Variants in CAST observed in about 807,000 individuals in gnomAD.
The protein encoded by CAST is calpastatin.
In CAST, 76 loss-of-function variants were observed where a neutral mutation model predicts 119.6. That is an observed-to-expected ratio of 0.64 (90% CI 0.53 to 0.77). CAST has a LOEUF of 0.77. Ranked by LOEUF, CAST falls within the 30% of genes least tolerant of loss-of-function variation. The pLI, the probability that CAST is intolerant of heterozygous loss-of-function variation, is 0.00. For synonymous variants in CAST, 319 were observed against 331.6 expected (o/e 0.96, Z 0.41); for missense variants, 953 against 946.5 (o/e 1.01, Z -0.09).
chr5:96,211,747 G>A, the CAST span, among the ~76,000 whole-genome samples: 1 of 151,990 alleles, frequency 6.6e-6, no homozygotes, highest in Admixed American at 6.6e-5. Context: ...TAATTCTCCA[G>A]TGAAATCATC....
At chr5:96,267,340 C>T in the CAST span, among the ~76,000 whole-genome samples, 1 of 152,230 alleles carries the variant, frequency 6.6e-6, no homozygotes, top group East Asian at 1.9e-4. Context: ...GAACAACAAA[C>T]AGATTTGACC....
intron 3 of CAST, among the ~76,000 whole-genome samples, chr5:96,697,480 C>A (rs988769623): frequency 7.2e-5 from 11 of 152,146 alleles, no homozygotes; most frequent in African/African-American, 1.9e-4. Context: ...CACTTTAAGA[C>A]CCGTGCCTTT....
the CAST span, among the ~76,000 whole-genome samples, chr5:96,162,098 T>G: frequency 6.6e-6 from 1 of 152,170 alleles, no homozygotes; most frequent in African/African-American, 2.4e-5. Flanking sequence ...ATAGATGCTT[T>G]TTGGTTTCTT....
At chr5:96,213,428 A>C in the CAST span, 2 of 152,150 alleles carry the variant, frequency 1.3e-5, no homozygotes, top group African/African-American at 4.8e-5. Context: ...TTTAAAATTT[A>C]ATAATTAACT....
chr5:96,054,675 A>G, the CAST span, among the ~76,000 whole-genome samples: 1 of 152,182 alleles, frequency 6.6e-6, no homozygotes, highest in Non-Finnish European at 1.5e-5. Flanking sequence ...GGAACATACA[A>G]TATTGCCGTA....
the CAST span, among the ~76,000 whole-genome samples, chr5:96,326,770 G>C: frequency 7.1e-6 from 1 of 141,034 alleles, no homozygotes; most frequent in Non-Finnish European, 1.5e-5. Flanking sequence ...CTCAGTGAGT[G>C]TGTTAATTGA....
chr5:96,437,157 TA>T, the CAST span, among the ~76,000 whole-genome samples: 3 of 151,960 alleles, frequency 2.0e-5, no homozygotes, highest in African/African-American at 7.3e-5. Context: ...AGTAAAAGAG[TA>T]AAAAAGCAAA....
intron 1 of CAST, among the ~76,000 whole-genome samples, chr5:96,668,834 G>A (rs1004098579): frequency 1.7e-4 from 26 of 151,898 alleles, no homozygotes; most frequent in Admixed American, 1.2e-3. Flanking sequence ...CTGGGAAGCC[G>A]TCAGGGGAGG....
intron 25 of CAST, among the ~76,000 whole-genome samples, chr5:96,764,641 C>T (rs892270622): frequency 1.2e-4 from 19 of 152,054 alleles, no homozygotes; most frequent in East Asian, 5.8e-4. Context: ...ATGGCAGTGC[C>T]GAGCTCCATG....
At chr5:96,686,857 C>T (rs973228532) in intron 2 of CAST, among the ~76,000 whole-genome samples, 22 of 151,908 alleles carry the variant, frequency 1.4e-4, no homozygotes, top group African/African-American at 4.1e-4. Context: ...GGTGTAGGGA[C>T]CACTGCAAGG....
chr5:96,100,442 G>A, the CAST span, among the ~76,000 whole-genome samples: 2 of 152,120 alleles, frequency 1.3e-5, no homozygotes, highest in African/African-American at 2.4e-5. Context: ...CTGACTTACT[G>A]CCTGGTTCTT....
chr5:96,367,565 A>G, the CAST span, among the ~76,000 whole-genome samples: 2 of 151,996 alleles, frequency 1.3e-5, no homozygotes, highest in African/African-American at 4.8e-5. Flanking sequence ...TTGCAGTTCG[A>G]TCTCAGACTG....
At chr5:96,706,974 G>C (rs181028353) in intron 3 of CAST, among the ~76,000 whole-genome samples, 4 of 152,232 alleles carry the variant, frequency 2.6e-5, no homozygotes, top group African/African-American at 9.6e-5. Flanking sequence ...AAGCTCTGAG[G>C]GTTACATTTC....
the CAST span, among the ~76,000 whole-genome samples, chr5:95,990,791 T>A: frequency 1.3e-5 from 2 of 152,136 alleles, no homozygotes; most frequent in African/African-American, 4.8e-5. Flanking sequence ...CAGGCTAGAA[T>A]GCAGTGGTGT....
chr5:96,252,617 G>A, the CAST span, among the ~76,000 whole-genome samples: 1 of 152,080 alleles, frequency 6.6e-6, no homozygotes, highest in Admixed American at 6.6e-5. Context: ...TGCACAGAAA[G>A]CTGTTAGCAA....
the CAST span, among the ~76,000 whole-genome samples, chr5:96,518,624 G>A: frequency 6.6e-6 from 1 of 152,196 alleles, no homozygotes; most frequent in Admixed American, 6.5e-5. Flanking sequence ...TTATACATGG[G>A]ATTCCTGGTG....
chr5:95,961,834 G>A, the CAST span: 18 of 1,370,502 alleles, frequency 1.3e-5, no homozygotes, highest in Non-Finnish European at 1.7e-5. Context: ...TCCCGCTGCT[G>A]ACGTACTGTC....
At chr5:96,147,807 A>G in the CAST span, among the ~76,000 whole-genome samples, 4 of 152,248 alleles carry the variant, frequency 2.6e-5, no homozygotes, top group Middle Eastern at 3.2e-3. Flanking sequence ...GCCGTAGTCT[A>G]GATAGCCTGT....
chr5:96,066,835 A>T, the CAST span, among the ~76,000 whole-genome samples: 1,083 of 146,556 alleles, frequency 7.4e-3, 9 homozygotes, highest in African/African-American at 0.026. Flanking sequence ...AGTTAACAAA[A>T]TTTTTTTTTT....
Sources: allele counts gnomAD v4.1 joint callset (sites outside exome capture counted in the v4.1 genomes callset), GRCh38; gene constraint gnomAD v4.1.1; transcripts MANE v1.5; gene names NCBI Gene and HGNC (gene_info 2026-07-23, HGNC 2026-07-21).